UEVLD: variants seen among roughly 807,000 people sequenced by gnomAD.
UEVLD encodes UEV and lactate/malate dehyrogenase domains, also known as ubiquitin-conjugating enzyme E2 variant 3.
UEVLD carries 47 observed loss-of-function variants against 58.6 expected under a neutral mutation model. The observed-to-expected ratio is 0.80, with a 90% confidence interval of 0.63 to 1.02. The LOEUF (loss-of-function observed/expected upper bound fraction) is 1.02, where lower values mean the gene tolerates loss of function less well. Ranked by LOEUF, UEVLD falls within the 50% of genes least tolerant of loss-of-function variation. The pLI is 0.00. For missense variants in UEVLD, 510 were observed against 550.6 expected (o/e 0.93, Z 0.74); for synonymous variants, 197 against 195.3 (o/e 1.01, Z -0.07).
At chr11:18,533,421 A>C (rs887894350) in intron 11 of UEVLD, among the ~76,000 whole-genome samples, 4 of 151,642 alleles carry the variant, frequency 2.6e-5, no homozygotes, top group Non-Finnish European at 4.4e-5. Context: ...AATATGTGAT[A>C]TTTGTCTTTC....
chr11:18,538,292 T>C (rs1415235333), intron 9 of UEVLD, among the ~76,000 whole-genome samples: 1 of 151,584 alleles, frequency 6.6e-6, no homozygotes, highest in African/African-American at 2.4e-5. Context: ...TTTTTTTTTT[T>C]TTTGGAGACG....
intron 9 of UEVLD, among the ~76,000 whole-genome samples, chr11:18,538,615 T>C (rs915247604): frequency 6.6e-6 from 1 of 150,634 alleles, no homozygotes; most frequent in African/African-American, 2.4e-5. Flanking sequence ...GGCTGGCACC[T>C]CTTGCACGTA....
chr11:18,583,080 A>G (rs1027375502), intron 1 of UEVLD, among the ~76,000 whole-genome samples: 1 of 150,084 alleles, frequency 6.7e-6, no homozygotes, highest in African/African-American at 2.5e-5. Flanking sequence ...GCATCACCAC[A>G]CCTGGCTAAT....
chr11:18,561,910 AAG>A (rs1852055436), intron 6 of UEVLD, among the ~76,000 whole-genome samples: 2 of 152,012 alleles, frequency 1.3e-5, no homozygotes, highest in African/African-American at 4.8e-5. Flanking sequence ...AGAAAAAAAA[AAG>A]AGTCAAGTGT....
At position 18,588,599 on chromosome 11, in the gene UEVLD, C is replaced by A; in HGVS notation, c.42+14G>T. 6.2e-7 allele frequency: 1 copy of A among 1,609,198 alleles called. No individual in the cohort carries two copies. On this transcript the variant is annotated intron_variant, in intron 1 of 11. Coordinates refer to ENST00000396197, the MANE Select transcript of UEVLD (RefSeq NM_001040697.4). ...ACCCTGAGGACCCAAACTGGCCCAG[C>A]GGACTGCCCGCACCTTGCCAAGCAG... is the stretch of plus-strand genomic sequence containing the variant.
intron 3 of UEVLD, chr11:18,570,705 C>G (rs1439841569): frequency 6.6e-6 from 1 of 152,214 alleles, no homozygotes; most frequent in Admixed American, 7.0e-5. Flanking sequence ...ATGATTGTGT[C>G]ACTGCACTCC....
chr11:18,545,101 G>C (rs1296866587), intron 8 of UEVLD, among the ~76,000 whole-genome samples: 4 of 132,294 alleles, frequency 3.0e-5, no homozygotes. Flanking sequence ...GAGATGGAGT[G>C]TCGCTCTATC....
chr11:18,538,013 A>G (rs1459914813), intron 9 of UEVLD, among the ~76,000 whole-genome samples: 1 of 152,204 alleles, frequency 6.6e-6, no homozygotes, highest in African/African-American at 2.4e-5. Flanking sequence ...AACCTTTCCA[A>G]TGTTCACCTG....
At chr11:18,566,778 C>T (rs1394583690) in intron 4 of UEVLD, among the ~76,000 whole-genome samples, 2 of 152,020 alleles carry the variant, frequency 1.3e-5, no homozygotes, top group East Asian at 1.9e-4. Flanking sequence ...TGTTGTAATG[C>T]TTTTCATGAA....
At chr11:18,536,500 T>G in intron 9 of UEVLD, 31 bp from the exon 10 acceptor site, 2 of 1,570,334 alleles carry the variant, frequency 1.3e-6, no homozygotes, top group Non-Finnish European at 8.8e-7. Flanking sequence ...AATTATGTTT[T>G]GCCAGTGACT....
chr11:18,581,748 G>A (rs1299967007), intron 1 of UEVLD, among the ~76,000 whole-genome samples: 3 of 152,026 alleles, frequency 2.0e-5, no homozygotes, highest in African/African-American at 7.2e-5. Context: ...TTTGCTAGAA[G>A]AGAAGCCTGA....
intron 2 of UEVLD, among the ~76,000 whole-genome samples, chr11:18,578,364 C>A (rs1853046477): frequency 6.6e-6 from 1 of 152,216 alleles, no homozygotes; most frequent in Admixed American, 6.5e-5. Context: ...GAAACATTAT[C>A]TCCCAGAGCC....
At chr11:18,533,800 A>G (rs983789482) in intron 11 of UEVLD, among the ~76,000 whole-genome samples, 1 of 152,130 alleles carries the variant, frequency 6.6e-6, no homozygotes, top group Non-Finnish European at 1.5e-5. Context: ...GATTACAGAC[A>G]TACGCCACTA....
chr11:18,585,928 C>T (rs961876311), intron 1 of UEVLD, among the ~76,000 whole-genome samples: 52 of 152,334 alleles, frequency 3.4e-4, no homozygotes, highest in African/African-American at 1.2e-3. Context: ...AGCCACCACA[C>T]CCAGCCCTCA....
chr11:18,535,012 C>A (rs1321663742), intron 10 of UEVLD, among the ~76,000 whole-genome samples: 6 of 152,234 alleles, frequency 3.9e-5, no homozygotes, highest in African/African-American at 1.4e-4. Flanking sequence ...TACCATGTAG[C>A]TTTTGAGAAG....
At chr11:18,540,293 A>T (rs1430465177) in intron 9 of UEVLD, among the ~76,000 whole-genome samples, 1 of 152,226 alleles carries the variant, frequency 6.6e-6, no homozygotes, top group East Asian at 1.9e-4. Context: ...TAAAATTTAA[A>T]TGAGATATGC....
intron 9 of UEVLD, among the ~76,000 whole-genome samples, chr11:18,538,399 C>T (rs186266738): frequency 4.6e-5 from 7 of 151,844 alleles, no homozygotes; most frequent in Non-Finnish European, 8.8e-5. Context: ...GCCTCAGCCT[C>T]CCAAGTAGCT....
intron 7 of UEVLD, among the ~76,000 whole-genome samples, chr11:18,548,309 C>T (rs1851382544): frequency 6.6e-6 from 1 of 152,138 alleles, no homozygotes; most frequent in Admixed American, 6.6e-5. Context: ...AATAAGAGAA[C>T]CATAATAAAG....
At chr11:18,574,535 A>ATCATATATATATAT (rs1335986731) in intron 3 of UEVLD, among the ~76,000 whole-genome samples, 1 of 152,214 alleles carries the variant, frequency 6.6e-6, no homozygotes, top group East Asian at 1.9e-4. Flanking sequence ...TACTATATAT[A>ATCATATATATATAT]AGCAACCTCT....
Sources: gnomAD v4.1 joint callset for allele counts (sites outside exome capture counted in the v4.1 genomes callset) on GRCh38, gnomAD v4.1.1 for gene constraint, MANE v1.5 for transcripts, NCBI Gene and HGNC (gene_info 2026-07-23, HGNC 2026-07-21) for gene names.